Variants in PCCB observed in about 807,000 individuals in gnomAD.
The protein encoded by PCCB is propionyl-CoA carboxylase subunit beta, also known as propionyl-CoA carboxylase beta chain, mitochondrial.
A neutral mutation model predicts 60.7 loss-of-function variants in PCCB; 43 were observed. The observed-to-expected ratio is 0.71, with a 90% CI of 0.55 to 0.91. PCCB has a LOEUF of 0.91. PCCB is among the 40% of genes least tolerant of loss of function. The pLI, the probability that PCCB is intolerant of heterozygous loss-of-function variation, is 0.00. For missense variants in PCCB, 766 were observed against 702.8 expected, an observed-to-expected ratio of 1.09 and a Z score of -1.02; for synonymous variants, 276 against 255.9, an observed-to-expected ratio of 1.08 and a Z score of -0.75.
chr3:136,310,647 T>C lies in PCCB; in HGVS notation c.967-6294T>C, dbSNP rs367744886. Among the ~76,000 whole-genome samples the C allele has an allele frequency of 1.1e-4, 16 of 152,266 alleles. No individual in the cohort carries two copies. In the East Asian group the frequency reaches 2.9e-3, roughly 27 times the overall value. On this transcript the variant is annotated intron_variant, in intron 9 of 14. Transcript: ENST00000251654. ...AAGTAAACAAAACACACAAGAACCTTCCAAAATTTTTTAAAAGAAGTATGA... is the reference window on the plus strand; with the variant it reads ...AAGTAAACAAAACACACAAGAACCTCCCAAAATTTTTTAAAAGAAGTATGA...
chr3:136,260,222 T>C, intron 3 of PCCB: 5 of 520,364 alleles, frequency 9.6e-6, no homozygotes, highest in Non-Finnish European at 1.7e-5. Context: ...TCCAGGCATG[T>C]GCCACCATGC....
chr3:136,266,052 C>T (rs953949407), intron 5 of PCCB, among the ~76,000 whole-genome samples: 3 of 151,810 alleles, frequency 2.0e-5, no homozygotes, highest in African/African-American at 7.3e-5. Context: ...GTCTCGATCT[C>T]CTGACCTCGT....
intron 3 of PCCB, among the ~76,000 whole-genome samples, 187 bp downstream of exon 3, chr3:136,256,810 C>G (rs1259029277): frequency 6.6e-6 from 1 of 152,148 alleles, no homozygotes; most frequent in Non-Finnish European, 1.5e-5. Context: ...AGTCCTTAGT[C>G]TGTTTTGGGG....
At chr3:136,317,225 T>TTTTTA (rs1406284936) in intron 10 of PCCB, among the ~76,000 whole-genome samples, 161 bp downstream of exon 10, 1 of 132,404 alleles carries the variant, frequency 7.6e-6, no homozygotes, top group Admixed American at 7.8e-5. Context: ...TTTTTTTTTT[T>TTTTTA]TTTTTTTTTT....
chr3:136,307,590 A>G (rs901971724), intron 9 of PCCB, among the ~76,000 whole-genome samples: 24 of 152,190 alleles, frequency 1.6e-4, no homozygotes, highest in Non-Finnish European at 2.9e-4. Context: ...CTACTCACAT[A>G]AACAGTATAT....
chr3:136,316,987 A>C lies in PCCB; in HGVS notation c.1013A>C (p.Lys338Thr), dbSNP rs1236102890. The change falls in exon 10 of 15, where the codon AAG becomes ACG. Residue 338 changes from lysine (K) to threonine (T), a missense_variant. Transcript: ENST00000251654. ...TTTGAGATCATGCCCAATTATGCCA[A>C]GAACATCATTGTTGGTTTTGCAAGA... The part of the protein sequence containing the change: ...EFFEIMPNYA[K>T]NIIVGFARMN... The C allele has an allele frequency of 6.2e-7, 1 of 1,613,936 alleles. No individual in the cohort carries two copies.
At chr3:136,294,682 T>A (rs1576335515) in intron 7 of PCCB, among the ~76,000 whole-genome samples, 1 of 152,088 alleles carries the variant, frequency 6.6e-6, no homozygotes, top group Non-Finnish European at 1.5e-5. Flanking sequence ...CAGTGATAGC[T>A]CACTGTAGCC....
In PCCB at chr3:136,255,308, CAG is replaced by C. The variant is rs1055883217; in HGVS notation, c.184-547_184-546del. The C allele has an allele frequency of 1.2e-4, 20 of 172,526 alleles. 1 individual carries two copies. In the South Asian group the frequency reaches 1.4e-3, roughly 12 times the overall value. The allele number at this position is 172,526 out of a possible 1,614,324, so 10.7% of individuals were successfully genotyped here. A position where few individuals can be genotyped will look rare whatever the true frequency, so the allele number is the denominator to read the frequency against. On this transcript the variant is annotated intron_variant, in intron 1 of 14. Transcript: ENST00000251654. ...CACTGTCAGGTGTGGGGTCCCTAAACAGGGGATAGGATAGTAGGAGAAGGAGA... is the reference window on the plus strand; with the variant it reads ...CACTGTCAGGTGTGGGGTCCCTAAACGGGATAGGATAGTAGGAGAAGGAGA...
intron 5 of PCCB, among the ~76,000 whole-genome samples, chr3:136,265,411 A>G (rs1444817048): frequency 6.6e-6 from 1 of 152,008 alleles, no homozygotes; most frequent in Non-Finnish European, 1.5e-5. Context: ...TATTTTACAA[A>G]TTTTTCCATC....
chr3:136,254,482 A>G (rs1941609894), intron 1 of PCCB, among the ~76,000 whole-genome samples: 1 of 137,832 alleles, frequency 7.3e-6, no homozygotes, highest in Non-Finnish European at 1.5e-5. Flanking sequence ...GGCCTCCCAA[A>G]GTGCTGGGAT....
At chr3:136,267,511 G>C (rs1192940851) in intron 5 of PCCB, among the ~76,000 whole-genome samples, 1 of 151,942 alleles carries the variant, frequency 6.6e-6, no homozygotes, top group East Asian at 1.9e-4. Context: ...TTGAGCTAGG[G>C]TCTCACTCTG....
At chr3:136,306,461 A>C (rs1934453010) in intron 9 of PCCB, among the ~76,000 whole-genome samples, 1 of 122,472 alleles carries the variant, frequency 8.2e-6, no homozygotes, top group South Asian at 3.2e-4. Context: ...AAGGAACATT[A>C]AAGAAAAGTA....
At chr3:136,306,259 C>T (rs968098750) in intron 9 of PCCB, among the ~76,000 whole-genome samples, 1 of 122,558 alleles carries the variant, frequency 8.2e-6, no homozygotes, top group African/African-American at 2.5e-5. Flanking sequence ...AATCTGAGTG[C>T]AGTAGCCCCT....
intron 6 of PCCB, among the ~76,000 whole-genome samples, 179 bp from the exon 7 acceptor site, chr3:136,293,577 A>G (rs1009107152): frequency 1.4e-3 from 209 of 152,340 alleles, no homozygotes; most frequent in African/African-American, 4.8e-3. Context: ...TTTAAAAAAG[A>G]CAATAAGGCA....
At chr3:136,299,490 A>AGG (rs1934109472) in intron 8 of PCCB, among the ~76,000 whole-genome samples, 1 of 149,018 alleles carries the variant, frequency 6.7e-6, no homozygotes. Context: ...GTATGTATGT[A>AGG]TATGCATGTG....
chr3:136,263,242 C>G (rs540917057), intron 5 of PCCB, among the ~76,000 whole-genome samples: 1 of 145,094 alleles, frequency 6.9e-6, no homozygotes, highest in Admixed American at 7.2e-5. Flanking sequence ...TGTGAGCCAC[C>G]GCGCCCAGCT....
intron 1 of PCCB, among the ~76,000 whole-genome samples, chr3:136,254,353 G>A (rs1941606773): frequency 6.6e-6 from 1 of 151,478 alleles, no homozygotes; most frequent in Non-Finnish European, 1.5e-5. Flanking sequence ...CGAGTAGCTG[G>A]GACTACAGGT....
chr3:136,326,323 T>C (rs1267918547), intron 10 of PCCB: 1 of 702,842 alleles, frequency 1.4e-6, no homozygotes, highest in Admixed American at 2.0e-5. Flanking sequence ...TGCTGCTTTA[T>C]AGATTCCATT....
rs1486807310 is a variant in PCCB at position 136,304,880 on chromosome 3, C to T, written c.966+3769C>T. ...CTAATTTTTGTATTTTTAGTAGAGA[C>T]GGGGTTTCACCATGTTTGCCAGGAT... On this transcript the variant is annotated intron_variant, in intron 9 of 14. Transcript: ENST00000251654. Among the ~76,000 whole-genome samples the T allele has an allele frequency of 3.6e-4, 43 of 119,654 alleles. 6 individuals carry two copies. The highest frequency in any genetic ancestry group is 9.8e-4 in the African/African-American group (39 of 39,698). The allele number at this position is 119,654 out of a possible 152,430, so 78.5% of individuals were successfully genotyped here. A position where few individuals can be genotyped will look rare whatever the true frequency, so the allele number is the denominator to read the frequency against.
Sources: allele counts gnomAD v4.1 joint callset (sites outside exome capture counted in the v4.1 genomes callset), GRCh38; gene constraint gnomAD v4.1.1; transcripts MANE v1.5; gene names NCBI Gene and HGNC (gene_info 2026-07-23, HGNC 2026-07-21).